PMEPA1: variants seen among roughly 807,000 people sequenced by gnomAD.
The protein encoded by PMEPA1 is prostate transmembrane protein, androgen induced 1.
Under a neutral mutation model 23.0 loss-of-function variants are expected in PMEPA1, and 11 were observed. The observed-to-expected ratio is 0.48, with a 90% CI of 0.30 to 0.79. The LOEUF is 0.79. Ranked by LOEUF, PMEPA1 falls within the 30% of genes least tolerant of loss-of-function variation. The pLI is 0.06. For synonymous variants in PMEPA1, 204 were observed against 166.4 expected (o/e 1.23, Z -1.74); for missense variants, 377 against 390.9 (o/e 0.96, Z 0.30).
chr20:57,708,056 A>G lies in PMEPA1; in HGVS notation c.109+1418T>C, dbSNP rs947374388. ...GCTGGGAGGGAGTGTGGAGAGGTGG[A>G]TGGATGGAAGGACCCACCACCAAAG... On this transcript the variant is annotated intron_variant, in intron 1 of 3. Coordinates refer to ENST00000341744, the MANE Select transcript of PMEPA1 (RefSeq NM_020182.5). 2.2e-4 allele frequency among the ~76,000 whole-genome samples: 34 copies of G among 152,104 alleles called. 1 individual carries two copies. The highest frequency in any genetic ancestry group is 8.0e-4 in the African/African-American group (33 of 41,490).
rs2016300 is a variant in PMEPA1, at chr20:57,669,350, G to T, written c.110-9653C>A. 2.6e-3 allele frequency among the ~76,000 whole-genome samples: 389 copies of T among 152,092 alleles called. 5 individuals are homozygous for T. The highest frequency in any genetic ancestry group is 0.021 in the Admixed American group (328 of 15,282). On this transcript the variant is annotated intron_variant, in intron 1 of 3. Transcript: ENST00000341744. ...TAATTTTTGTATTTTGAGTACAGAC[G>T]GGGTTTCACCATGTTGGACAGGCTG...
chr20:57,690,694 G>A, intron 1 of PMEPA1: 1 of 685,196 alleles, frequency 1.5e-6, no homozygotes, highest in Non-Finnish European at 2.0e-6. Flanking sequence ...TGCAGATGAA[G>A]ATCTGGCTTC....
chr20:57,657,625 A>G (rs2071346343), intron 2 of PMEPA1, among the ~76,000 whole-genome samples: 1 of 152,210 alleles, frequency 6.6e-6, no homozygotes, highest in Admixed American at 6.5e-5. Context: ...TGGGCCAGGC[A>G]TTCCCATCAG....
rs1555882180 is a variant in PMEPA1 at position 57,683,558 on chromosome 20, T to TGTGCGTGTGTGC, written c.110-23862_110-23861insGCACACACGCAC. On this transcript the variant is annotated intron_variant, in intron 1 of 3. Coordinates refer to ENST00000341744, the MANE Select transcript of PMEPA1 (RefSeq NM_020182.5). The surrounding 1 kb of genome is among the most constrained non-coding windows in gnomAD (Gnocchi z 4.3). ...GGTGGTGTTCTGGCCTGTGTGCGTG[T>TGTGCGTGTGTGC]GTGTGTGTGTGTGTGTGTGTGTGTG... Among the ~76,000 whole-genome samples, 3 of 141,010 alleles carry TGTGCGTGTGTGC rather than the reference T, an allele frequency of 2.1e-5. No individual in the cohort carries two copies. Among genetic ancestry groups the TGTGCGTGTGTGC allele is most frequent in the African/African-American group, 8.4e-5 (3 of 35,602 alleles). 92.5% of individuals were successfully genotyped at this position (141,010 alleles called of 152,430 possible).
chr20:57,660,621 TA>T (rs2071402974), intron 1 of PMEPA1, among the ~76,000 whole-genome samples: 2 of 126,268 alleles, frequency 1.6e-5, no homozygotes, highest in African/African-American at 6.6e-5. Context: ...CTAACACTCC[TA>T]CACACACAAC....
chr20:57,656,466 G>A lies in PMEPA1; in HGVS notation c.264+3077C>T, dbSNP rs1395555712. On this transcript the variant is annotated intron_variant, in intron 2 of 3. Transcript: ENST00000341744. The surrounding 1 kb of genome is among the most constrained non-coding windows in gnomAD (Gnocchi z 4.7). ...TGAGTTCCTAGTCTGAGCAGGCCTTGGGCACAAAGACTGGGATTGCCTTTC... is the reference window on the plus strand; with the variant it reads ...TGAGTTCCTAGTCTGAGCAGGCCTTAGGCACAAAGACTGGGATTGCCTTTC... Among the ~76,000 whole-genome samples the A allele has an allele frequency of 6.6e-6, 1 of 152,038 alleles. No individual in the cohort carries two copies. The highest frequency in any genetic ancestry group is 2.4e-5 in the African/African-American group (1 of 41,444).
At chr20:57,678,025 G>A (rs2071661650) in intron 1 of PMEPA1, among the ~76,000 whole-genome samples, 1 of 152,236 alleles carries the variant, frequency 6.6e-6, no homozygotes, top group South Asian at 2.1e-4. Context: ...GAAGAGATTA[G>A]TGGTTTCATG....
chr20:57,677,102 C>T (rs181319102), intron 1 of PMEPA1, among the ~76,000 whole-genome samples: 67 of 152,296 alleles, frequency 4.4e-4, no homozygotes, highest in African/African-American at 1.5e-3. Flanking sequence ...GAAGACTTGC[C>T]CTGGGTCTGT....
rs959113268 is a variant in PMEPA1, at chr20:57,709,937, GCCT to G, written c.-358_-356del. The G allele has an allele frequency of 1.3e-5, 13 of 1,009,752 alleles. No individual in the cohort carries two copies. Among genetic ancestry groups the G allele is most frequent in the East Asian group, 1.1e-4 (1 of 9,516 alleles). 62.5% of individuals were successfully genotyped at this position (1,009,752 alleles called of 1,614,324 possible). ...CGCCTCCGCCGCCGCCGCCGCCGCC[GCCT>G]CCTCCTCCTCATTCAAGTCCAAGGA... is the stretch of plus-strand genomic sequence containing the variant. On this transcript the variant is annotated 5_prime_UTR_variant, in exon 1 of 4. Coordinates refer to ENST00000341744, the MANE Select transcript of PMEPA1 (RefSeq NM_020182.5).
Position 57,651,847 on chromosome 20 carries a change from C to A in PMEPA1, c.*206G>T. On this transcript the variant is annotated 3_prime_UTR_variant, in exon 4 of 4. Transcript: ENST00000341744. ...ACAAAGAAACGTGGTTTTTTTTTTT[C>A]TTTTTTCTTTTTTTTTTTGCAAGCT... The A allele has an allele frequency of 1.4e-4, 38 of 268,822 alleles. No individual in the cohort carries two copies. Among genetic ancestry groups the A allele is most frequent in the East Asian group, 2.3e-4 (4 of 17,122 alleles). 16.7% of individuals were successfully genotyped at this position (268,822 alleles called of 1,614,324 possible).
rs1434590752 is a variant in PMEPA1, at chr20:57,683,560, T to TGC, written c.110-23864_110-23863insGC. On this transcript the variant is annotated intron_variant, in intron 1 of 3. Transcript: ENST00000341744. The surrounding 1 kb of genome is among the most constrained non-coding windows in gnomAD (Gnocchi z 4.3). ...TGGTGTTCTGGCCTGTGTGCGTGTGTGTGTGTGTGTGTGTGTGTGTGTGTT... is the reference window on the plus strand; with the variant it reads ...TGGTGTTCTGGCCTGTGTGCGTGTGTGCGTGTGTGTGTGTGTGTGTGTGTGTT... Among the ~76,000 whole-genome samples the TGC allele has an allele frequency of 2.8e-4, 27 of 95,588 alleles. No homozygotes were observed. Among genetic ancestry groups the TGC allele is most frequent in the Admixed American group, 6.4e-4 (7 of 10,904 alleles). 62.7% of individuals were successfully genotyped at this position (95,588 alleles called of 152,430 possible). A position where few individuals can be genotyped will look rare whatever the true frequency, so the allele number is the denominator to read the frequency against.
chr20:57,703,233 C>G (rs2072035313), intron 1 of PMEPA1, among the ~76,000 whole-genome samples: 1 of 152,248 alleles, frequency 6.6e-6, no homozygotes, highest in Non-Finnish European at 1.5e-5. Flanking sequence ...CCCCGGCCCT[C>G]CCCCGCTGCA....
At chr20:57,685,251 A>G (rs1160454964) in intron 1 of PMEPA1, among the ~76,000 whole-genome samples, 4 of 152,224 alleles carry the variant, frequency 2.6e-5, no homozygotes, top group Non-Finnish European at 5.9e-5. Context: ...TAACTGCCCG[A>G]GCAGGTGAAA....
At chr20:57,701,951 G>A (rs1020210498) in intron 1 of PMEPA1, among the ~76,000 whole-genome samples, 2 of 152,242 alleles carry the variant, frequency 1.3e-5, no homozygotes, top group Admixed American at 6.5e-5. Context: ...ACAAAGATTC[G>A]ATTACTGCCA....
rs922089589 is a variant in PMEPA1 at position 57,682,088 on chromosome 20, G to A, written c.110-22391C>T. On this transcript the variant is annotated intron_variant, in intron 1 of 3. Transcript: ENST00000341744. The surrounding 1 kb of genome is among the most constrained non-coding windows in gnomAD (Gnocchi z 4.4). ...GGCTCAGGCCTGTTCCATTCACCAG[G>A]TCCTCCCATCTCCAGTGGCACAGGG... Among the ~76,000 whole-genome samples the A allele has an allele frequency of 6.6e-6, 1 of 152,166 alleles. No individual in the cohort carries two copies. The highest frequency in any genetic ancestry group is 2.4e-5 in the African/African-American group (1 of 41,426).
chr20:57,652,188 G>A lies in PMEPA1; in HGVS notation c.729C>T (p.Ser243=). 2 of 1,609,792 alleles carry A rather than the reference G, an allele frequency of 1.2e-6. No individual in the cohort carries two copies. Among genetic ancestry groups the A allele is most frequent in the Non-Finnish European group, 1.7e-6 (2 of 1,178,844 alleles). The change falls in exon 4 of 4, where the codon TCC becomes TCT. Residue 243 remains serine, a synonymous_variant. Coordinates refer to ENST00000341744, the MANE Select transcript of PMEPA1 (RefSeq NM_020182.5). The surrounding 1 kb of genome is among the most constrained non-coding windows in gnomAD (Gnocchi z 6.1). ...SEVIGHYPGS[S]FQHQQSSGPP... Reference sequence around the variant, plus strand: ...GCCCACTGCTCTGCTGGTGCTGGAAGGAGGACCCCGGGTAGTGGCCGATGA... The same window carrying A: ...GCCCACTGCTCTGCTGGTGCTGGAAAGAGGACCCCGGGTAGTGGCCGATGA...
chr20:57,697,735 G>A (rs371588233), intron 1 of PMEPA1, among the ~76,000 whole-genome samples: 9 of 152,166 alleles, frequency 5.9e-5, no homozygotes, highest in African/African-American at 1.4e-4. Context: ...AGATTTATAC[G>A]GACAGTTGGA....
rs2071236207 is a variant in PMEPA1 at position 57,651,904 on chromosome 20, C to T, written c.*149G>A. On this transcript the variant is annotated 3_prime_UTR_variant, in exon 4 of 4. Coordinates refer to ENST00000341744, the MANE Select transcript of PMEPA1 (RefSeq NM_020182.5). ...GCTTGTGCATTCAGACCAGACATCACATGTAAATATTTATACACAGGGAGG... is the reference window on the plus strand; with the variant it reads ...GCTTGTGCATTCAGACCAGACATCATATGTAAATATTTATACACAGGGAGG... 2.0e-6 allele frequency: 1 copy of T among 504,786 alleles called. No individual in the cohort carries two copies. The highest frequency in any genetic ancestry group is 3.4e-6 in the Non-Finnish European group (1 of 297,722). 31.3% of individuals were successfully genotyped at this position (504,786 alleles called of 1,614,324 possible). A position where few individuals can be genotyped will look rare whatever the true frequency, so the allele number is the denominator to read the frequency against.
chr20:57,675,342 C>T (rs941465589), intron 1 of PMEPA1, among the ~76,000 whole-genome samples: 13 of 152,222 alleles, frequency 8.5e-5, no homozygotes, highest in Admixed American at 2.0e-4. Context: ...ACCCCTCCAC[C>T]GGCAGCCATG....
Sources: allele counts gnomAD v4.1 joint callset (sites outside exome capture counted in the v4.1 genomes callset), GRCh38; gene constraint gnomAD v4.1.1; non-coding constraint Gnocchi (gnomAD v3.1); transcripts MANE v1.5; gene names NCBI Gene and HGNC (gene_info 2026-07-23, HGNC 2026-07-21).